Variants in VAV2 observed in about 807,000 individuals in gnomAD.
VAV2 encodes the protein guanine nucleotide exchange factor VAV2.
VAV2 carries 67 observed loss-of-function variants against 132.5 expected under a neutral mutation model. The observed-to-expected ratio is 0.51, with a 90% CI of 0.42 to 0.62. VAV2 has a LOEUF of 0.62. VAV2 is among the 20% of genes least tolerant of loss of function. The pLI is 0.00. For synonymous variants in VAV2, 492 were observed against 443.5 expected (o/e 1.11, Z -1.37); for missense variants, 938 against 1,153.6 (o/e 0.81, Z 2.71).
chr9:133,917,441 C>CTT (rs56141918), intron 2 of VAV2, among the ~76,000 whole-genome samples: 8,904 of 132,506 alleles, frequency 0.067, 417 homozygotes, highest in Middle Eastern at 0.2. Flanking sequence ...AAAACTCTTT[C>CTT]TTTTTTTTTT....
chr9:133,876,556 G>A (rs536151871), intron 2 of VAV2, among the ~76,000 whole-genome samples: 8 of 152,368 alleles, frequency 5.3e-5, no homozygotes, highest in Non-Finnish European at 7.3e-5. Flanking sequence ...GAGGCCTGTC[G>A]GACACAGGGC....
At chr9:133,971,107 G>A (rs1027454288) in intron 1 of VAV2, among the ~76,000 whole-genome samples, 2 of 152,218 alleles carry the variant, frequency 1.3e-5, no homozygotes, top group East Asian at 3.9e-4. Context: ...GGACCGGGAA[G>A]CCCCGGGTTC....
intron 2 of VAV2, among the ~76,000 whole-genome samples, chr9:133,913,105 C>G (rs1161116552): frequency 6.6e-6 from 1 of 152,222 alleles, no homozygotes; most frequent in East Asian, 1.9e-4. Flanking sequence ...TTTGCCCCCT[C>G]TTCCTCTCCA....
At chr9:133,816,597 G>A (rs1021729468) in intron 4 of VAV2, among the ~76,000 whole-genome samples, 1 of 152,206 alleles carries the variant, frequency 6.6e-6, no homozygotes, top group African/African-American at 2.4e-5. Flanking sequence ...GCAGGGCATG[G>A]TGGCTCATGC....
intron 4 of VAV2, among the ~76,000 whole-genome samples, chr9:133,819,830 T>C (rs3858099): frequency 0.026 from 4,019 of 152,218 alleles, 88 homozygotes; most frequent in Middle Eastern, 0.044. Flanking sequence ...TGAAATTTCA[T>C]GACACACATA....
intron 4 of VAV2, among the ~76,000 whole-genome samples, chr9:133,816,695 T>C (rs1440476103): frequency 6.6e-6 from 1 of 152,192 alleles, no homozygotes; most frequent in Non-Finnish European, 1.5e-5. Context: ...ATCGTGCCAC[T>C]GCACTCCAAC....
At chr9:133,869,636 T>C (rs183906666) in intron 2 of VAV2, among the ~76,000 whole-genome samples, 100 of 152,148 alleles carry the variant, frequency 6.6e-4, no homozygotes, top group African/African-American at 2.4e-3. Flanking sequence ...TAAAAAGAAA[T>C]TGGAGCCCTG....
At chr9:133,852,104 C>T (rs1255604836) in intron 3 of VAV2, among the ~76,000 whole-genome samples, 2 of 151,214 alleles carry the variant, frequency 1.3e-5, no homozygotes, top group Non-Finnish European at 2.9e-5. Context: ...GATGGACAAA[C>T]TGAAGAATGG....
rs540195208 is a variant in VAV2 at position 133,969,886 on chromosome 9, G to A, written c.204+22189C>T. ...TGCAGACACAGTGGAGCTTTCCAAA[G>A]CCAAATCTGAGCACGCCACATCTGC... On this transcript the variant is annotated intron_variant, in intron 1 of 29. Coordinates refer to ENST00000371850, the MANE Select transcript of VAV2 (RefSeq NM_001134398.2). This position sits in a 1 kb window ranked among gnomAD's most constrained non-coding sequence, Gnocchi z 5.1. Among the ~76,000 whole-genome samples the A allele has an allele frequency of 4.5e-4, 69 of 152,150 alleles. No individual in the cohort carries two copies. Among genetic ancestry groups the A allele is most frequent in the Middle Eastern group, 3.4e-3 (1 of 294 alleles).
intron 3 of VAV2, among the ~76,000 whole-genome samples, chr9:133,839,198 G>A (rs890987508): frequency 1.2e-4 from 19 of 152,058 alleles, no homozygotes; most frequent in Non-Finnish European, 2.1e-4. Flanking sequence ...GTAAGTGGAA[G>A]GATAGATAAA....
intron 1 of VAV2, among the ~76,000 whole-genome samples, chr9:133,941,118 G>A (rs189353366): frequency 6.3e-4 from 96 of 152,246 alleles, no homozygotes; most frequent in African/African-American, 2.3e-3. Flanking sequence ...CTCAAATGTG[G>A]CTAGTCCGGC....
intron 3 of VAV2, among the ~76,000 whole-genome samples, chr9:133,860,104 C>T (rs542862025): frequency 6.6e-6 from 1 of 152,174 alleles, no homozygotes; most frequent in South Asian, 2.1e-4. Flanking sequence ...AGATCGAGAC[C>T]ATCCTGGCTA....
At chr9:133,981,326 G>A (rs1189326944) in intron 1 of VAV2, among the ~76,000 whole-genome samples, 1 of 152,236 alleles carries the variant, frequency 6.6e-6, no homozygotes, top group African/African-American at 2.4e-5. Flanking sequence ...CCCGTGCAGT[G>A]TCCAGGTGCG....
chr9:133,955,221 C>T (rs1180715358), intron 1 of VAV2, among the ~76,000 whole-genome samples: 2 of 151,992 alleles, frequency 1.3e-5, no homozygotes, highest in Non-Finnish European at 2.9e-5. Context: ...GGTCCTAAAC[C>T]TTCAATCACC....
chr9:133,811,032 G>A (rs1835339051), intron 5 of VAV2, among the ~76,000 whole-genome samples: 1 of 152,234 alleles, frequency 6.6e-6, no homozygotes, highest in Non-Finnish European at 1.5e-5. Context: ...GCCCCCAGCA[G>A]CAGGGCCATG....
intron 3 of VAV2, among the ~76,000 whole-genome samples, chr9:133,859,039 G>A (rs1442238222): frequency 6.6e-6 from 1 of 152,214 alleles, no homozygotes; most frequent in Non-Finnish European, 1.5e-5. Context: ...GCAGCGTGAA[G>A]CACCAGCAGC....
chr9:133,992,116 T>G lies in VAV2; in HGVS notation c.163A>C (p.Ile55Leu). The change falls in exon 1 of 30, where the codon ATC (isoleucine) becomes CTC (leucine). Residue 55 changes from isoleucine (I) to leucine (L), a missense_variant. Physicochemically the swap from Ile to Leu is conservative, Grantham distance 5. Coordinates refer to ENST00000371850, the MANE Select transcript of VAV2 (RefSeq NM_001134398.2). The surrounding 1 kb of genome is among the most constrained non-coding windows in gnomAD (Gnocchi z 5.5). ...QLLHNLSPGS[I>L]DLKDINFRPQ... ...CGGAAGTTGATGTCCTTGAGGTCGA[T>G]GGAGCCGGGGGAGAGGTTGTGCAGC... 1 of 1,591,250 alleles carries G rather than the reference T, an allele frequency of 6.3e-7. No homozygotes were observed. Among genetic ancestry groups the G allele is most frequent in the South Asian group, 1.1e-5 (1 of 88,868 alleles).
At position 133,771,980 on chromosome 9, in the gene VAV2, G is replaced by A. The variant is rs772862738; in HGVS notation, c.2202C>T (p.Ala734=). ...CTACCAGGAGGCTGTCGAATTTCTT[G>A]GCCTCTGTGATGTGGATCCAGTTGT... is the stretch of plus-strand genomic sequence containing the variant. ...EKDNWIHITE[A]KKFDSLLELV... Residue 734 remains alanine, a synonymous_variant, in exon 26 of 30, where the codon GCC becomes GCT. Transcript: ENST00000371850. The A allele has an allele frequency of 6.2e-7, 1 of 1,605,420 alleles. No individual in the cohort carries two copies. The highest frequency in any genetic ancestry group is 2.2e-5 in the East Asian group (1 of 44,862).
At chr9:133,965,962 A>C (rs191794348) in intron 1 of VAV2, among the ~76,000 whole-genome samples, 16 of 152,316 alleles carry the variant, frequency 1.1e-4, no homozygotes, top group Admixed American at 9.8e-4. Flanking sequence ...GGAATAAAAC[A>C]ACCCAGAAAT....
Sources: gnomAD v4.1 joint callset for allele counts (sites outside exome capture counted in the v4.1 genomes callset) on GRCh38, gnomAD v4.1.1 for gene constraint, Gnocchi (gnomAD v3.1) non-coding constraint, MANE v1.5 for transcripts, NCBI Gene and HGNC (gene_info 2026-07-23, HGNC 2026-07-21) for gene names.